The following TMEM232 variants were observed in gnomAD, a reference collection of about 807,000 sequenced individuals.
The protein encoded by TMEM232 is transmembrane protein 232.
A neutral mutation model predicts 78.8 loss-of-function variants in TMEM232; 80 were observed. The ratio of observed to expected loss-of-function variants is 1.01; its 90% CI spans 0.85 to 1.22. The LOEUF (loss-of-function observed/expected upper bound fraction) is 1.22. Among genes scored for constraint, TMEM232 ranks in the 50% most tolerant of loss-of-function variants. TMEM232 has a pLI of 0.00. For missense variants in TMEM232, 881 were observed against 742.2 expected, an observed-to-expected ratio of 1.19 and a Z score of -2.17; for synonymous variants, 297 against 254.3, an observed-to-expected ratio of 1.17 and a Z score of -1.60.
chr5:110,483,056 C>CT (rs761768176), intron 12 of TMEM232, among the ~76,000 whole-genome samples: 9 of 151,840 alleles, frequency 5.9e-5, no homozygotes, highest in African/African-American at 2.2e-4. Flanking sequence ...TTGATAATAC[C>CT]TTTTTTTTCT....
intron 12 of TMEM232, among the ~76,000 whole-genome samples, chr5:110,519,086 G>A (rs565411526): frequency 4.3e-4 from 66 of 152,216 alleles, no homozygotes; most frequent in African/African-American, 1.5e-3. Context: ...AATGGACTAC[G>A]TTGTTCAATT....
chr5:110,406,344 G>C (rs1268721123), intron 2 of TMEM232, among the ~76,000 whole-genome samples: 5 of 150,632 alleles, frequency 3.3e-5, no homozygotes, highest in African/African-American at 1.2e-4. Context: ...ATCTATTCAT[G>C]TGTTAATGGA....
chr5:110,738,538 A>T (rs72773192), upstream of TMEM232, among the ~76,000 whole-genome samples: 1 of 152,004 alleles, frequency 6.6e-6, no homozygotes, highest in Non-Finnish European at 1.5e-5. Flanking sequence ...GCGGTACCAT[A>T]TCTCTCAATA....
At chr5:110,596,732 T>C (rs545163037) in intron 10 of TMEM232, among the ~76,000 whole-genome samples, 1 of 152,242 alleles carries the variant, frequency 6.6e-6, no homozygotes, top group South Asian at 2.1e-4. Context: ...ATAAATGTAA[T>C]CCAGCATATA....
chr5:110,549,724 C>T (rs181325884), intron 11 of TMEM232, among the ~76,000 whole-genome samples: 1 of 151,226 alleles, frequency 6.6e-6, no homozygotes, highest in Non-Finnish European at 1.5e-5. Flanking sequence ...GGATATCACA[C>T]CAGATTTTAA....
intron 12 of TMEM232, among the ~76,000 whole-genome samples, chr5:110,478,201 C>T (rs144359640): frequency 6.6e-6 from 1 of 152,010 alleles, no homozygotes; most frequent in African/African-American, 2.4e-5. Context: ...CTATATGGTT[C>T]TCACTTTAAG....
At chr5:110,390,546 G>A (rs1190102313) in exon 4 of TMEM232, 1 of 152,178 alleles carries the variant, frequency 6.6e-6, no homozygotes, top group African/African-American at 2.4e-5. Flanking sequence ...CTTTTTATGG[G>A]CACTAAGGAA....
intron 10 of TMEM232, among the ~76,000 whole-genome samples, chr5:110,597,565 A>C (rs1038981811): frequency 7.9e-5 from 12 of 151,756 alleles, no homozygotes; most frequent in Admixed American, 2.6e-4. Flanking sequence ...AGTCAATCCT[A>C]AGCCAAAAGA....
At chr5:110,408,564 C>T (rs1227911453) in intron 2 of TMEM232, among the ~76,000 whole-genome samples, 3 of 151,522 alleles carry the variant, frequency 2.0e-5, no homozygotes, top group Non-Finnish European at 2.9e-5. Context: ...CACTCCAGCC[C>T]GGGTGACAGA....
chr5:110,704,260 A>T (rs1561542937), intron 1 of TMEM232, among the ~76,000 whole-genome samples: 1 of 152,072 alleles, frequency 6.6e-6, no homozygotes, highest in Non-Finnish European at 1.5e-5. Context: ...TTATTGACAT[A>T]CCATACCTGT....
At chr5:110,598,381 G>A (rs1780453844) in intron 10 of TMEM232, among the ~76,000 whole-genome samples, 1 of 152,142 alleles carries the variant, frequency 6.6e-6, no homozygotes, top group Non-Finnish European at 1.5e-5. Context: ...GAGAGGCTGT[G>A]AAGAAATAGG....
chr5:110,653,970 A>G (rs1219979980), intron 2 of TMEM232, among the ~76,000 whole-genome samples: 1 of 152,240 alleles, frequency 6.6e-6, no homozygotes, highest in Non-Finnish European at 1.5e-5. Context: ...AAAATAATTA[A>G]TCAAAGGAAA....
intron 12 of TMEM232, among the ~76,000 whole-genome samples, chr5:110,458,669 T>C (rs1761157001): frequency 6.6e-6 from 1 of 152,222 alleles, no homozygotes; most frequent in Non-Finnish European, 1.5e-5. Flanking sequence ...CATTCATTAA[T>C]TTCCATTTAT....
At chr5:110,655,479 A>G (rs1788908936) in intron 2 of TMEM232, among the ~76,000 whole-genome samples, 1 of 143,012 alleles carries the variant, frequency 7.0e-6, no homozygotes. Flanking sequence ...TAGTTCAACC[A>G]TTGTGGAAGT....
chr5:110,479,005 G>A (rs1763568362), intron 12 of TMEM232, among the ~76,000 whole-genome samples: 1 of 149,070 alleles, frequency 6.7e-6, no homozygotes, highest in African/African-American at 2.5e-5. Context: ...TACTGAGTCT[G>A]CGGTTAGGTC....
intron 11 of TMEM232, among the ~76,000 whole-genome samples, chr5:110,532,766 C>T (rs181060864): frequency 1.1e-3 from 162 of 152,186 alleles, no homozygotes; most frequent in African/African-American, 3.6e-3. Flanking sequence ...TCCTTGGCGA[C>T]CGATCATGCA....
At chr5:110,529,683 T>A (rs1771146995) in intron 11 of TMEM232, among the ~76,000 whole-genome samples, 1 of 152,044 alleles carries the variant, frequency 6.6e-6, no homozygotes, top group Admixed American at 6.6e-5. Context: ...GTAAAAAAAA[T>A]ACCAAAATTT....
At chr5:110,454,237 T>C (rs1377004679) in intron 12 of TMEM232, among the ~76,000 whole-genome samples, 12 of 152,152 alleles carry the variant, frequency 7.9e-5, no homozygotes. Context: ...TCCACCAAGT[T>C]AGACAATTTT....
intron 11 of TMEM232, among the ~76,000 whole-genome samples, 187 bp downstream of exon 11, chr5:110,568,260 C>A (rs566449292): frequency 6.6e-6 from 1 of 151,938 alleles, no homozygotes; most frequent in South Asian, 2.1e-4. Context: ...CTTTACACTA[C>A]CGTCTAGAGC....
Sources: gnomAD v4.1 joint callset for allele counts (sites outside exome capture counted in the v4.1 genomes callset) on GRCh38, gnomAD v4.1.1 for gene constraint, MANE v1.5 for transcripts, NCBI Gene and HGNC (gene_info 2026-07-23, HGNC 2026-07-21) for gene names.